Variants in RALYL observed in about 807,000 individuals in gnomAD.
RALYL encodes the protein RNA-binding Raly-like protein.
RALYL carries 29 observed loss-of-function variants against 35.1 expected under a neutral mutation model. That is an observed-to-expected ratio of 0.83 (90% CI 0.61 to 1.13). The LOEUF (loss-of-function observed/expected upper bound fraction) is 1.13. RALYL is among the 50% of genes most tolerant of loss of function. The pLI is 0.00. For missense variants in RALYL, 359 were observed against 360.4 expected, an observed-to-expected ratio of 1.00 and a Z score of 0.03; for synonymous variants, 120 against 127.6, an observed-to-expected ratio of 0.94 and a Z score of 0.40.
At chr8:84,514,818 C>T (rs2057929150) in intron 1 of RALYL, among the ~76,000 whole-genome samples, 1 of 150,362 alleles carries the variant, frequency 6.7e-6, no homozygotes, top group African/African-American at 2.4e-5. Context: ...TAGGTGTGGG[C>T]CACCCCAGTA....
chr8:84,317,459 T>A (rs1486444192), intron 1 of RALYL, among the ~76,000 whole-genome samples: 3 of 152,108 alleles, frequency 2.0e-5, no homozygotes, highest in African/African-American at 7.2e-5. Flanking sequence ...TGTGGCAAGC[T>A]CAAGTGGAAA....
chr8:84,372,921 T>G (rs1856183330), intron 1 of RALYL, among the ~76,000 whole-genome samples: 1 of 134,240 alleles, frequency 7.4e-6, no homozygotes, highest in South Asian at 2.4e-4. Context: ...TTTTTACTTT[T>G]TAATAATATC....
At chr8:84,481,293 G>A (rs1189799415) in intron 1 of RALYL, among the ~76,000 whole-genome samples, 1 of 152,016 alleles carries the variant, frequency 6.6e-6, no homozygotes, top group African/African-American at 2.4e-5. Context: ...TGAAGTATTT[G>A]TTTTTTAGGT....
At chr8:84,472,364 A>G (rs991192459) in intron 1 of RALYL, among the ~76,000 whole-genome samples, 6 of 152,182 alleles carry the variant, frequency 3.9e-5, no homozygotes, top group African/African-American at 1.4e-4. Flanking sequence ...ATCCCTAGTG[A>G]GTTCAAAAGG....
intron 1 of RALYL, among the ~76,000 whole-genome samples, chr8:84,465,162 C>A (rs1209384624): frequency 2.0e-4 from 26 of 131,732 alleles, no homozygotes; most frequent in South Asian, 1.4e-3. Flanking sequence ...CCCATTTGTC[C>A]ATTTTGTCTT....
chr8:84,850,797 G>C (rs574471171), intron 5 of RALYL, among the ~76,000 whole-genome samples: 1 of 152,310 alleles, frequency 6.6e-6, no homozygotes, highest in African/African-American at 2.4e-5. Flanking sequence ...CTCTAAGGTT[G>C]AATTAGCTTT....
At chr8:84,311,093 G>GAAAAAAAA (rs1354856646) in intron 1 of RALYL, among the ~76,000 whole-genome samples, 3 of 77,222 alleles carry the variant, frequency 3.9e-5, no homozygotes, top group Non-Finnish European at 7.3e-5. Context: ...AAAAAAAAAT[G>GAAAAAAAA]TATATTAATG....
intron 4 of RALYL, among the ~76,000 whole-genome samples, chr8:84,844,134 A>G (rs1255562177): frequency 6.6e-6 from 1 of 152,190 alleles, no homozygotes; most frequent in African/African-American, 2.4e-5. Context: ...TAATTAAACT[A>G]AAGAGCTTCT....
At chr8:84,401,798 A>G (rs1392995421) in intron 1 of RALYL, among the ~76,000 whole-genome samples, 2 of 151,978 alleles carry the variant, frequency 1.3e-5, no homozygotes, top group Non-Finnish European at 2.9e-5. Flanking sequence ...TTATGACTCT[A>G]TAGCCTGACA....
intron 2 of RALYL, among the ~76,000 whole-genome samples, chr8:84,542,003 G>GT (rs949385611): frequency 3.3e-5 from 5 of 151,600 alleles, no homozygotes; most frequent in African/African-American, 9.7e-5. Context: ...GACAACCTTT[G>GT]TTTTTTTAAT....
intron 1 of RALYL, among the ~76,000 whole-genome samples, chr8:84,248,748 T>C (rs962177832): frequency 6.6e-6 from 1 of 152,098 alleles, no homozygotes; most frequent in Non-Finnish European, 1.5e-5. Context: ...TTATTCAAAC[T>C]CATATTTAAC....
intron 2 of RALYL, among the ~76,000 whole-genome samples, chr8:84,610,282 T>A (rs1365864319): frequency 1.3e-5 from 2 of 152,116 alleles, no homozygotes; most frequent in African/African-American, 4.8e-5. Flanking sequence ...ACTCCCAGAC[T>A]TTCTTTGTTT....
intron 1 of RALYL, among the ~76,000 whole-genome samples, chr8:84,497,642 GTTT>G (rs71271999): frequency 8.5e-6 from 1 of 117,238 alleles, no homozygotes; most frequent in Non-Finnish European, 1.7e-5. Context: ...TTTTGTTTTT[GTTT>G]TTTTTTTTTT....
chr8:84,661,470 TTTA>T lies in RALYL; in HGVS notation c.257-113103_257-113101del, dbSNP rs1830896350. ...CTAGGCTTTCAAATCAAATGTGCTT[TTTA>T]TTATTGTAACAATATCTCCATTCTT... On this transcript the variant is annotated intron_variant, in intron 2 of 8. Coordinates refer to ENST00000521268, the MANE Select transcript of RALYL (RefSeq NM_173848.7). Among the ~76,000 whole-genome samples the T allele has an allele frequency of 2.0e-5, 3 of 152,042 alleles. No homozygotes were observed. The South Asian group carries it at 6.2e-4, about 31-fold the overall frequency.
chr8:84,591,905 TATG>T (rs1405896837), intron 2 of RALYL, among the ~76,000 whole-genome samples: 9 of 152,346 alleles, frequency 5.9e-5, no homozygotes, highest in African/African-American at 2.2e-4. Context: ...TATTGATATC[TATG>T]ATATTTGTGG....
intron 1 of RALYL, among the ~76,000 whole-genome samples, chr8:84,247,960 C>T (rs1829440144): frequency 6.6e-6 from 1 of 152,100 alleles, no homozygotes; most frequent in African/African-American, 2.4e-5. Context: ...TTTATAAAAG[C>T]TCTCTGTCAA....
At chr8:84,235,940 T>C (rs1055905000) in intron 1 of RALYL, among the ~76,000 whole-genome samples, 4 of 152,030 alleles carry the variant, frequency 2.6e-5, no homozygotes, top group African/African-American at 9.6e-5. Flanking sequence ...CTAATTTTTG[T>C]ATTTTTAGTA....
intron 1 of RALYL, among the ~76,000 whole-genome samples, chr8:84,305,979 A>G (rs1841709910): frequency 6.6e-6 from 1 of 152,122 alleles, no homozygotes; most frequent in African/African-American, 2.4e-5. Context: ...CCTGGCCAAC[A>G]TAGTGAAACC....
At chr8:84,371,979 G>T (rs59743238) in intron 1 of RALYL, among the ~76,000 whole-genome samples, 5,005 of 152,044 alleles carry the variant, frequency 0.033, 281 homozygotes, top group African/African-American at 0.11. Context: ...ATTAGCAGAA[G>T]AGCTGACCAG....
Sources: allele counts gnomAD v4.1 joint callset (sites outside exome capture counted in the v4.1 genomes callset), GRCh38; gene constraint gnomAD v4.1.1; transcripts MANE v1.5; gene names NCBI Gene and HGNC (gene_info 2026-07-23, HGNC 2026-07-21).